LARGE1: variants seen among roughly 807,000 people sequenced by gnomAD.
The protein encoded by LARGE1 is LARGE xylosyl- and glucuronyltransferase 1, also known as xylosyl- and glucuronyltransferase LARGE1.
LARGE1 carries 43 observed loss-of-function variants against 87.6 expected under a neutral mutation model. That is an observed-to-expected ratio of 0.49 (90% CI 0.38 to 0.63). LARGE1 has a LOEUF of 0.63. Ranked by LOEUF, LARGE1 falls within the 30% of genes least tolerant of loss-of-function variation. The pLI, the probability that LARGE1 is intolerant of heterozygous loss-of-function variation, is 0.00. For missense variants in LARGE1, 802 were observed against 1,000.2 expected, an observed-to-expected ratio of 0.80 and a Z score of 2.67; for synonymous variants, 434 against 394.6, an observed-to-expected ratio of 1.10 and a Z score of -1.18.
intron 4 of LARGE1, among the ~76,000 whole-genome samples, chr22:33,622,963 C>T (rs1377291461): frequency 6.6e-6 from 1 of 152,182 alleles, no homozygotes; most frequent in Admixed American, 6.5e-5. Flanking sequence ...TTACACCCAA[C>T]AGGATTCTTA....
chr22:33,807,184 T>C (rs1294001433), intron 1 of LARGE1, among the ~76,000 whole-genome samples: 4 of 152,120 alleles, frequency 2.6e-5, no homozygotes, highest in African/African-American at 9.7e-5. Flanking sequence ...TGACCCTGAG[T>C]TAATTTCTTA....
intron 9 of LARGE1, among the ~76,000 whole-genome samples, chr22:33,348,415 C>G (rs918225323): frequency 6.6e-6 from 1 of 152,106 alleles, no homozygotes; most frequent in Non-Finnish European, 1.5e-5. Flanking sequence ...ATTTGAACCT[C>G]TATTTTCCAA....
chr22:33,486,875 T>G (rs1482335764), intron 6 of LARGE1, among the ~76,000 whole-genome samples: 1 of 152,194 alleles, frequency 6.6e-6, no homozygotes, highest in African/African-American at 2.4e-5. Flanking sequence ...AATCTGAGGC[T>G]GAAACTTCTG....
intron 11 of LARGE1, among the ~76,000 whole-genome samples, chr22:33,231,856 C>T (rs890077167): frequency 1.3e-5 from 2 of 152,206 alleles, no homozygotes; most frequent in Admixed American, 6.5e-5. Flanking sequence ...ATTGCTATTA[C>T]TACTATTACT....
intron 6 of LARGE1, among the ~76,000 whole-genome samples, chr22:33,489,194 G>C (rs2148271688): frequency 6.6e-6 from 1 of 152,324 alleles, no homozygotes; most frequent in East Asian, 1.9e-4. Context: ...CAGCAGAAAA[G>C]TAAATATTTA....
At chr22:33,791,428 C>T (rs550872293) in intron 1 of LARGE1, among the ~76,000 whole-genome samples, 1 of 152,154 alleles carries the variant, frequency 6.6e-6, no homozygotes, top group Non-Finnish European at 1.5e-5. Context: ...AGTCATATTA[C>T]AAAAAAATTT....
chr22:33,709,013 C>T (rs2082646718), intron 2 of LARGE1, among the ~76,000 whole-genome samples: 2 of 152,126 alleles, frequency 1.3e-5, no homozygotes, highest in Non-Finnish European at 2.9e-5. Flanking sequence ...CTTATAGGGA[C>T]ACCAGTCGGA....
intron 9 of LARGE1, among the ~76,000 whole-genome samples, chr22:33,342,742 G>A (rs555819778): frequency 6.6e-6 from 1 of 152,282 alleles, no homozygotes; most frequent in African/African-American, 2.4e-5. Flanking sequence ...CATCTGTCTA[G>A]TTTGTGTATT....
intron 9 of LARGE1, among the ~76,000 whole-genome samples, chr22:33,361,013 A>G (rs1304163804): frequency 4.7e-5 from 7 of 149,000 alleles, no homozygotes; most frequent in Admixed American, 2.0e-4. Context: ...TCGGGAGTTC[A>G]AGACAAGCCT....
intron 1 of LARGE1, among the ~76,000 whole-genome samples, chr22:33,768,693 C>T (rs2084979115): frequency 6.6e-6 from 1 of 152,180 alleles, no homozygotes; most frequent in African/African-American, 2.4e-5. Flanking sequence ...TCGACTAAAA[C>T]CCCTTCTGGG....
At chr22:33,691,604 C>T (rs981343026) in intron 2 of LARGE1, among the ~76,000 whole-genome samples, 16 of 152,178 alleles carry the variant, frequency 1.1e-4, no homozygotes, top group African/African-American at 2.2e-4. Context: ...TACATCTCTA[C>T]GCAGGTTCAG....
intron 6 of LARGE1, among the ~76,000 whole-genome samples, chr22:33,510,556 G>C (rs886703356): frequency 6.6e-6 from 1 of 152,122 alleles, no homozygotes; most frequent in African/African-American, 2.4e-5. Context: ...AGTCCACAGA[G>C]GCTAAAAACT....
intron 4 of LARGE1, among the ~76,000 whole-genome samples, chr22:33,622,827 T>C (rs542056768): frequency 3.9e-5 from 6 of 152,214 alleles, no homozygotes; most frequent in Non-Finnish European, 8.8e-5. Context: ...TACTAAGGAT[T>C]TGCTTTCTTC....
At chr22:33,661,967 A>G (rs2081136126) in intron 2 of LARGE1, among the ~76,000 whole-genome samples, 1 of 151,908 alleles carries the variant, frequency 6.6e-6, no homozygotes, top group Non-Finnish European at 1.5e-5. Flanking sequence ...ACATGACTAA[A>G]AATCTAGAGC....
intron 6 of LARGE1, among the ~76,000 whole-genome samples, chr22:33,541,074 G>GGGGGGGT (rs1569252314): frequency 1.1e-5 from 1 of 90,122 alleles, no homozygotes; most frequent in African/African-American, 4.0e-5. Context: ...GGGGCGGGGG[G>GGGGGGGT]CGGGTTGCAG....
At chr22:33,070,246 G>T in the LARGE1 span, among the ~76,000 whole-genome samples, 1 of 152,218 alleles carries the variant, frequency 6.6e-6, no homozygotes, top group African/African-American at 2.4e-5. Flanking sequence ...GCTTGGCACT[G>T]GGCCAGGGGT....
intron 1 of LARGE1, among the ~76,000 whole-genome samples, chr22:33,847,850 C>T (rs971131349): frequency 2.6e-5 from 4 of 152,228 alleles, no homozygotes; most frequent in Non-Finnish European, 2.9e-5. Context: ...TGCCTTAACT[C>T]GCTCATTCAC....
At chr22:33,652,045 A>G (rs2080834026) in intron 2 of LARGE1, among the ~76,000 whole-genome samples, 1 of 152,094 alleles carries the variant, frequency 6.6e-6, no homozygotes, top group Non-Finnish European at 1.5e-5. Flanking sequence ...GGTGGCACGC[A>G]CCTGTATACA....
At chr22:33,104,940 TTTCTTTC>T in the LARGE1 span, among the ~76,000 whole-genome samples, 1 of 145,766 alleles carries the variant, frequency 6.9e-6, no homozygotes. Context: ...TCTTTCTTTC[TTTCTTTC>T]TCTTTCTCTC....
Sources: gnomAD v4.1 joint callset for allele counts (sites outside exome capture counted in the v4.1 genomes callset) on GRCh38, gnomAD v4.1.1 for gene constraint, MANE v1.5 for transcripts, NCBI Gene and HGNC (gene_info 2026-07-23, HGNC 2026-07-21) for gene names.